EXOC4: variants seen among roughly 807,000 people sequenced by gnomAD.
EXOC4 encodes the protein exocyst complex component 4.
EXOC4 carries 71 observed loss-of-function variants against 107.2 expected under a neutral mutation model. That is an observed-to-expected ratio of 0.66 (90% CI 0.55 to 0.81). The LOEUF (loss-of-function observed/expected upper bound fraction) is 0.81, where lower values mean the gene tolerates loss of function less well. Among genes scored for constraint, EXOC4 ranks in the 30% least tolerant of loss-of-function variants. The probability of loss-of-function intolerance (pLI) is 0.00; values close to 1 mark genes in which losing one functional copy is unlikely to be tolerated. For synonymous variants in EXOC4, 456 were observed against 441.2 expected (o/e 1.03, Z -0.42); for missense variants, 1,108 against 1,189.6 (o/e 0.93, Z 1.01).
intron 7 of EXOC4, among the ~76,000 whole-genome samples, chr7:133,439,044 G>T (rs889702642): frequency 6.6e-6 from 1 of 152,048 alleles, no homozygotes; most frequent in African/African-American, 2.4e-5. Context: ...ATATGTATGT[G>T]TGTGTTTCAC....
At chr7:134,098,462 A>G in the EXOC4 span, among the ~76,000 whole-genome samples, 4 of 152,162 alleles carry the variant, frequency 2.6e-5, no homozygotes, top group African/African-American at 9.7e-5. Flanking sequence ...TTCCTAATCA[A>G]AACTGCAAAA....
At chr7:133,731,983 C>T (rs1795336370) in intron 10 of EXOC4, among the ~76,000 whole-genome samples, 1 of 152,122 alleles carries the variant, frequency 6.6e-6, no homozygotes. Flanking sequence ...TATAAAGATG[C>T]ATGCATACGT....
At chr7:133,766,362 T>C (rs955303149) in intron 10 of EXOC4, among the ~76,000 whole-genome samples, 1 of 152,030 alleles carries the variant, frequency 6.6e-6, no homozygotes, top group Non-Finnish European at 1.5e-5. Flanking sequence ...CTAACACTGG[T>C]AACAGTGTAA....
At chr7:133,371,667 G>T (rs1018760176) in intron 6 of EXOC4, among the ~76,000 whole-genome samples, 3 of 152,122 alleles carry the variant, frequency 2.0e-5, no homozygotes, top group African/African-American at 7.2e-5. Context: ...CCACCTTTGG[G>T]TTGTTGCGCA....
At chr7:134,039,934 C>T (rs571925074) in intron 17 of EXOC4, among the ~76,000 whole-genome samples, 1 of 152,306 alleles carries the variant, frequency 6.6e-6, no homozygotes, top group East Asian at 1.9e-4. Flanking sequence ...GTGAAAGTAG[C>T]CTCAAGATCT....
intron 14 of EXOC4, among the ~76,000 whole-genome samples, chr7:133,938,398 TACA>T (rs1297284935): frequency 1.3e-5 from 2 of 152,154 alleles, no homozygotes; most frequent in Non-Finnish European, 2.9e-5. Context: ...TTTTCCTCCT[TACA>T]ACAACTTCTC....
intron 9 of EXOC4, among the ~76,000 whole-genome samples, chr7:133,585,996 A>G (rs962636701): frequency 1.3e-5 from 2 of 152,178 alleles, no homozygotes; most frequent in African/African-American, 2.4e-5. Context: ...CAGCTGGTCT[A>G]GAAATATATA....
chr7:134,095,238 A>C, the EXOC4 span, among the ~76,000 whole-genome samples: 1 of 152,112 alleles, frequency 6.6e-6, no homozygotes, highest in South Asian at 2.1e-4. Context: ...CCAACATAAA[A>C]AATCCTAGGA....
At chr7:133,628,410 G>T (rs2151013220) in intron 9 of EXOC4, among the ~76,000 whole-genome samples, 1 of 152,246 alleles carries the variant, frequency 6.6e-6, no homozygotes, top group African/African-American at 2.4e-5. Context: ...ACTATCTTCA[G>T]GCATTCTAGT....
At chr7:133,525,796 G>A (rs1800067668) in intron 9 of EXOC4, among the ~76,000 whole-genome samples, 1 of 152,136 alleles carries the variant, frequency 6.6e-6, no homozygotes, top group African/African-American at 2.4e-5. Flanking sequence ...TTGCAGGTAT[G>A]TTAATACTGT....
intron 5 of EXOC4, among the ~76,000 whole-genome samples, chr7:133,333,834 A>AT (rs1248597949): frequency 6.6e-6 from 1 of 152,220 alleles, no homozygotes; most frequent in African/African-American, 2.4e-5. Flanking sequence ...CAAGCAACTC[A>AT]TTTTTGTAAT....
intron 11 of EXOC4, among the ~76,000 whole-genome samples, chr7:133,872,773 A>G (rs1304052841): frequency 6.6e-6 from 1 of 152,246 alleles, no homozygotes; most frequent in African/African-American, 2.4e-5. Context: ...ATCCCTCCTA[A>G]GTAACCCACA....
intron 1 of EXOC4, among the ~76,000 whole-genome samples, chr7:133,269,434 G>A (rs1793812897): frequency 1.3e-5 from 2 of 152,098 alleles, no homozygotes; most frequent in African/African-American, 4.8e-5. Flanking sequence ...TAAAAAGGCT[G>A]GTGATAATAT....
At chr7:133,325,550 C>A (rs930825928) in intron 5 of EXOC4, among the ~76,000 whole-genome samples, 11 of 152,342 alleles carry the variant, frequency 7.2e-5, no homozygotes, top group South Asian at 2.1e-4. Context: ...CCACTCTCTT[C>A]TGGCTTGTAG....
intron 13 of EXOC4, among the ~76,000 whole-genome samples, chr7:133,918,804 A>G (rs1799871316): frequency 6.6e-6 from 1 of 152,198 alleles, no homozygotes; most frequent in Admixed American, 6.5e-5. Context: ...GTTGGGATTA[A>G]TATTATCTTC....
At chr7:133,787,771 T>C (rs1423130204) in intron 10 of EXOC4, among the ~76,000 whole-genome samples, 1 of 151,002 alleles carries the variant, frequency 6.6e-6, no homozygotes, top group Non-Finnish European at 1.5e-5. Context: ...CATAATCTTA[T>C]ATAAACCTAA....
At chr7:133,644,356 TG>T (rs35797883) in intron 10 of EXOC4, among the ~76,000 whole-genome samples, 9 of 152,340 alleles carry the variant, frequency 5.9e-5, no homozygotes, top group Admixed American at 2.0e-4. Context: ...CCTGCCATCT[TG>T]GGATGCAGTT....
chr7:133,256,297 T>G (rs1343225356), intron 1 of EXOC4, among the ~76,000 whole-genome samples: 2 of 152,216 alleles, frequency 1.3e-5, no homozygotes, highest in Non-Finnish European at 2.9e-5. Context: ...CATTTTTTCT[T>G]AATTCCTCAT....
At chr7:134,037,227 C>T (rs1354144034) in intron 17 of EXOC4, among the ~76,000 whole-genome samples, 1 of 152,170 alleles carries the variant, frequency 6.6e-6, no homozygotes, top group East Asian at 1.9e-4. Flanking sequence ...GAAGTTTTCT[C>T]AATCAAAGAC....
Sources: gnomAD v4.1 joint callset for allele counts (sites outside exome capture counted in the v4.1 genomes callset) on GRCh38, gnomAD v4.1.1 for gene constraint, MANE v1.5 for transcripts, NCBI Gene and HGNC (gene_info 2026-07-23, HGNC 2026-07-21) for gene names.